The following HCRTR2 variants were observed in gnomAD, a reference collection of about 807,000 sequenced individuals.
HCRTR2 encodes the protein orexin receptor type 2.
Under a neutral mutation model 49.0 loss-of-function variants are expected in HCRTR2, and 22 were observed. The observed-to-expected ratio is 0.45, with a 90% CI of 0.32 to 0.64. The LOEUF is 0.64. Among genes scored for constraint, HCRTR2 ranks in the 30% least tolerant of loss-of-function variants. The pLI is 0.04. For missense variants in HCRTR2, 491 were observed against 559.4 expected (o/e 0.88, Z 1.23); for synonymous variants, 236 against 205.3 (o/e 1.15, Z -1.28).
chr6:55,282,818 A>T (rs1484179280), downstream of HCRTR2, among the ~76,000 whole-genome samples: 1 of 151,816 alleles, frequency 6.6e-6, no homozygotes, highest in African/African-American at 2.4e-5. Flanking sequence ...CTATCCAATG[A>T]TTTTTTTTGC....
chr6:55,123,033 G>A (rs567887832), intron 1 of HCRTR2, among the ~76,000 whole-genome samples: 1 of 151,454 alleles, frequency 6.6e-6, no homozygotes, highest in East Asian at 2.0e-4. Flanking sequence ...GAGTTAATGA[G>A]TGCAGCACAC....
chr6:55,138,666 A>G (rs1764463926), intron 1 of HCRTR2, among the ~76,000 whole-genome samples: 1 of 152,158 alleles, frequency 6.6e-6, no homozygotes, highest in African/African-American at 2.4e-5. Flanking sequence ...TTACTGTGTC[A>G]TTTTAAACTG....
chr6:55,252,522 C>G (rs1385169039), intron 2 of HCRTR2, among the ~76,000 whole-genome samples: 1 of 152,026 alleles, frequency 6.6e-6, no homozygotes, highest in Non-Finnish European at 1.5e-5. Flanking sequence ...AACCATAGTT[C>G]TATTCCCAGG....
In HCRTR2 at chr6:55,174,559, C is replaced by CA. The variant is rs1161927373; in HGVS notation, c.-28dup. 2 of 1,572,590 alleles carry CA rather than the reference C, an allele frequency of 1.3e-6. No individual in the cohort carries two copies. The highest frequency in any genetic ancestry group is 1.8e-6 in the Non-Finnish European group (2 of 1,142,338). Reference sequence around the variant, plus strand: ...GGGGCAGGCGGAGAGGAGCTTGCAGCATTGAGCGGAACCGGACTTGAGCCC... The same window carrying CA: ...GGGGCAGGCGGAGAGGAGCTTGCAGCAATTGAGCGGAACCGGACTTGAGCCC... On this transcript the variant is annotated 5_prime_UTR_variant, in exon 1 of 7. An upstream open reading frame in the 5' UTR loses its in-frame stop. Coordinates refer to ENST00000370862, the MANE Select transcript of HCRTR2 (RefSeq NM_001384272.1).
chr6:55,129,963 G>A (rs535412029), intron 1 of HCRTR2, among the ~76,000 whole-genome samples: 2 of 151,780 alleles, frequency 1.3e-5, no homozygotes, highest in South Asian at 2.1e-4. Flanking sequence ...GCTAACCCAC[G>A]TGTATTTTCC....
intron 1 of HCRTR2, chr6:55,240,902 C>T: frequency 4.6e-6 from 1 of 215,992 alleles, no homozygotes; most frequent in South Asian, 5.7e-5. Context: ...ATTTCACGTT[C>T]TCTTATTTAT....
chr6:55,221,679 G>A (rs549564213), intron 1 of HCRTR2, among the ~76,000 whole-genome samples: 1 of 152,180 alleles, frequency 6.6e-6, no homozygotes, highest in East Asian at 1.9e-4. Context: ...CGGGCGTGGT[G>A]GTGGGCGCCT....
chr6:55,232,629 G>C (rs573323672), intron 1 of HCRTR2, among the ~76,000 whole-genome samples: 1 of 152,298 alleles, frequency 6.6e-6, no homozygotes, highest in Non-Finnish European at 1.5e-5. Context: ...CTTGATGTTG[G>C]ATGACAAAGA....
intron 4 of HCRTR2, among the ~76,000 whole-genome samples, chr6:55,276,542 A>C (rs994840779): frequency 6.6e-6 from 1 of 152,188 alleles, no homozygotes; most frequent in African/African-American, 2.4e-5. Context: ...CTCTTTAAAA[A>C]ATTATGCATG....
At chr6:55,237,807 A>C (rs1766242385) in intron 1 of HCRTR2, among the ~76,000 whole-genome samples, 1 of 152,240 alleles carries the variant, frequency 6.6e-6, no homozygotes, top group Non-Finnish European at 1.5e-5. Context: ...TAATAGTAAA[A>C]CAAATGTATA....
chr6:55,245,505 A>C (rs949799683), intron 1 of HCRTR2, among the ~76,000 whole-genome samples: 6 of 130,952 alleles, frequency 4.6e-5, no homozygotes, highest in African/African-American at 1.2e-4. Context: ...ATATATATAT[A>C]TCTTCCCCAA....
chr6:55,158,718 G>T (rs6928066), intron 1 of HCRTR2, among the ~76,000 whole-genome samples: 66,499 of 152,020 alleles, frequency 0.44, 15,407 homozygotes, highest in East Asian at 0.78. Context: ...GCCCACGACA[G>T]TTCGGCAAAG....
At chr6:55,207,738 G>T (rs1478277639) in intron 1 of HCRTR2, among the ~76,000 whole-genome samples, 1 of 152,102 alleles carries the variant, frequency 6.6e-6, no homozygotes, top group Non-Finnish European at 1.5e-5. Context: ...TTTCTGTCTT[G>T]GGTGGAAGGT....
intron 1 of HCRTR2, among the ~76,000 whole-genome samples, chr6:55,149,962 A>T (rs1009072536): frequency 6.6e-6 from 1 of 152,004 alleles, no homozygotes; most frequent in African/African-American, 2.4e-5. Flanking sequence ...TTAAAAACAA[A>T]AAATAGATAT....
rs1415824126 is a variant in HCRTR2, at chr6:55,255,234, G to A, written c.501G>A (p.Lys167=). 3 of 1,613,874 alleles carry A rather than the reference G, an allele frequency of 1.9e-6. No homozygotes were observed. The highest frequency in any genetic ancestry group is 1.3e-5 in the African/African-American group (1 of 74,870). The part of the protein sequence containing the change: ...CHPLMFKSTA[K]RARNSIVIIW... ...CTTTGATGTTTAAGAGCACAGCAAA[G>A]CGGGCCCGTAACAGCATTGTCATCA... The change falls in exon 3 of 7, where the codon AAG becomes AAA. Residue 167 remains lysine, a synonymous_variant. Coordinates refer to ENST00000370862, the MANE Select transcript of HCRTR2 (RefSeq NM_001384272.1).
intron 4 of HCRTR2, among the ~76,000 whole-genome samples, chr6:55,271,839 G>T (rs1766979503): frequency 6.6e-6 from 1 of 152,064 alleles, no homozygotes; most frequent in Non-Finnish European, 1.5e-5. Context: ...CACTCAACAG[G>T]ATAGATTTGT....
In HCRTR2 at chr6:55,175,366, G is replaced by A. The variant is rs117972491; in HGVS notation, c.223+556G>A. ...TGAACCAGCAGGGAGTGGAGACGGA[G>A]GCAAAGCAGGGAAGTGCACTCACTC... On this transcript the variant is annotated intron_variant, in intron 1 of 6. Transcript: ENST00000370862. Among the ~76,000 whole-genome samples the A allele has an allele frequency of 2.0e-4, 30 of 152,260 alleles. No individual in the cohort carries two copies. The East Asian group carries it at 5.8e-3, about 30-fold the overall frequency.
At chr6:55,163,260 A>C (rs74510127) in intron 1 of HCRTR2, among the ~76,000 whole-genome samples, 45 of 51,834 alleles carry the variant, frequency 8.7e-4, no homozygotes, top group African/African-American at 1.1e-3. Context: ...ACAAACAACA[A>C]AAAAAAAAAA....
chr6:55,244,266 C>T (rs1359344770), intron 1 of HCRTR2, among the ~76,000 whole-genome samples: 3 of 151,942 alleles, frequency 2.0e-5, no homozygotes, highest in Non-Finnish European at 2.9e-5. Context: ...TGTCTGTACT[C>T]CTATATATTT....
Sources: allele counts gnomAD v4.1 joint callset (sites outside exome capture counted in the v4.1 genomes callset), GRCh38; gene constraint gnomAD v4.1.1; transcripts MANE v1.5; gene names NCBI Gene and HGNC (gene_info 2026-07-23, HGNC 2026-07-21).